KSR2: variants seen among roughly 807,000 people sequenced by gnomAD.
KSR2 encodes the protein kinase suppressor of ras 2.
A neutral mutation model predicts 107.8 loss-of-function variants in KSR2; 25 were observed. The ratio of observed to expected loss-of-function variants is 0.23; its 90% CI spans 0.17 to 0.32. The LOEUF (loss-of-function observed/expected upper bound fraction) is 0.32, where lower values mean the gene tolerates loss of function less well. Ranked by LOEUF, KSR2 falls within the 10% of genes least tolerant of loss-of-function variation. The probability of loss-of-function intolerance (pLI) is 1.00; values close to 1 mark genes in which losing one functional copy is unlikely to be tolerated. For synonymous variants in KSR2, 480 were observed against 507.0 expected, an observed-to-expected ratio of 0.95 and a Z score of 0.71; for missense variants, 887 against 1,268.9, an observed-to-expected ratio of 0.70 and a Z score of 4.57.
At chr12:117,569,802 T>G (rs1008826339) in intron 7 of KSR2, among the ~76,000 whole-genome samples, 6 of 152,196 alleles carry the variant, frequency 3.9e-5, no homozygotes, top group Non-Finnish European at 8.8e-5. Context: ...CACCCTGTAG[T>G]TCACCCTATA....
chr12:117,875,333 A>ATTTT (rs56091034), intron 1 of KSR2, among the ~76,000 whole-genome samples: 3,053 of 137,968 alleles, frequency 0.022, 98 homozygotes, highest in East Asian at 0.17. Flanking sequence ...CTTAGGTGCT[A>ATTTT]TTTTTTTTTT....
chr12:117,492,911 C>T (rs1314926784), intron 14 of KSR2, among the ~76,000 whole-genome samples: 1 of 152,096 alleles, frequency 6.6e-6, no homozygotes, highest in Non-Finnish European at 1.5e-5. Flanking sequence ...TGGAAAAAGG[C>T]AAGAAAATGG....
rs569446673 is a variant in KSR2, at chr12:117,921,741, G to A, written c.180+46335C>T. Among the ~76,000 whole-genome samples, 199 of 152,178 alleles carry A rather than the reference G, an allele frequency of 1.3e-3. 1 individual carries two copies. The highest frequency in any genetic ancestry group is 4.6e-3 in the African/African-American group (190 of 41,510). On this transcript the variant is annotated intron_variant, in intron 1 of 19. Coordinates refer to ENST00000339824, the MANE Select transcript of KSR2 (RefSeq NM_173598.6). ...GTGCCATGCTCAGCACATAATACACGCTCATTAAATGACAGCCATCATTAC... is the reference window on the plus strand; with the variant it reads ...GTGCCATGCTCAGCACATAATACACACTCATTAAATGACAGCCATCATTAC...
In KSR2 at chr12:117,542,079, G is replaced by T. The variant is rs905355359; in HGVS notation, c.1519-2192C>A. Among the ~76,000 whole-genome samples, 2 of 151,902 alleles carry T rather than the reference G, an allele frequency of 1.3e-5. 1 individual carries two copies. Among genetic ancestry groups the T allele is most frequent in the East Asian group, 3.9e-4 (2 of 5,162 alleles). On this transcript the variant is annotated intron_variant, in intron 9 of 19. Transcript: ENST00000339824. Reference sequence around the variant, plus strand: ...AAACACTTTTTTTGGTAGACACAGGGTCCCACTATGTTGCCCAGGCTGGTT... The same window carrying T: ...AAACACTTTTTTTGGTAGACACAGGTTCCCACTATGTTGCCCAGGCTGGTT...
At chr12:117,683,892 T>C (rs1282928841) in intron 4 of KSR2, among the ~76,000 whole-genome samples, 1 of 152,260 alleles carries the variant, frequency 6.6e-6, no homozygotes, top group Non-Finnish European at 1.5e-5. Context: ...TCTGACTTTG[T>C]AGCAGAAACT....
chr12:117,892,017 G>A (rs189370823), intron 1 of KSR2, among the ~76,000 whole-genome samples: 2 of 92,674 alleles, frequency 2.2e-5, no homozygotes, highest in East Asian at 1.2e-3. Flanking sequence ...ACCACATAAC[G>A]GCCCAGTGCG....
chr12:117,866,216 A>G (rs1893465692), intron 1 of KSR2, among the ~76,000 whole-genome samples: 1 of 151,512 alleles, frequency 6.6e-6, no homozygotes, highest in South Asian at 2.1e-4. Flanking sequence ...CCACCACACC[A>G]CGCCTTTTTT....
intron 1 of KSR2, among the ~76,000 whole-genome samples, chr12:117,936,530 T>TAGTAGTAGTAGTAG (rs1566089629): frequency 1.6e-3 from 183 of 115,306 alleles, no homozygotes; most frequent in Non-Finnish European, 1.5e-3. Flanking sequence ...ATTATTATTA[T>TAGTAGTAGTAGTAG]TATTAGTAGT....
chr12:117,537,348 C>A (rs1228012160), intron 10 of KSR2, among the ~76,000 whole-genome samples: 2 of 152,194 alleles, frequency 1.3e-5, no homozygotes, highest in Non-Finnish European at 2.9e-5. Flanking sequence ...TCTAGGTCCT[C>A]ATATTAATTA....
At chr12:117,710,963 G>A (rs184022728) in intron 4 of KSR2, among the ~76,000 whole-genome samples, 107 of 152,226 alleles carry the variant, frequency 7.0e-4, no homozygotes, top group African/African-American at 2.5e-3. Flanking sequence ...CTTGGCTCAT[G>A]TCTACAATCC....
chr12:117,845,078 G>A (rs897831637), intron 3 of KSR2, among the ~76,000 whole-genome samples: 4 of 152,110 alleles, frequency 2.6e-5, no homozygotes, highest in South Asian at 2.1e-4. Flanking sequence ...CCCGGGAGGC[G>A]GAGCGTGCAT....
intron 4 of KSR2, among the ~76,000 whole-genome samples, chr12:117,692,878 G>T (rs1271355700): frequency 6.6e-6 from 1 of 152,170 alleles, no homozygotes; most frequent in Non-Finnish European, 1.5e-5. Flanking sequence ...ACTGGCAGTT[G>T]CCATGGGGAT....
intron 1 of KSR2, among the ~76,000 whole-genome samples, chr12:117,919,350 A>G (rs1422795713): frequency 6.6e-6 from 1 of 152,166 alleles, no homozygotes; most frequent in Non-Finnish European, 1.5e-5. Flanking sequence ...GGACTTCCGC[A>G]TCTTTCTGTA....
intron 4 of KSR2, among the ~76,000 whole-genome samples, chr12:117,689,463 T>C (rs1885724665): frequency 6.6e-6 from 1 of 152,258 alleles, no homozygotes; most frequent in South Asian, 2.1e-4. Flanking sequence ...TTGCAGGCCA[T>C]GCAGTCTCCA....
chr12:117,594,832 C>T (rs10850849), intron 5 of KSR2, among the ~76,000 whole-genome samples: 21,331 of 152,132 alleles, frequency 0.14, 3,924 homozygotes, highest in African/African-American at 0.42. Flanking sequence ...AGACATTTTT[C>T]GTTGTCACAA....
intron 18 of KSR2, 101 bp from the exon 19 acceptor site, chr12:117,469,896 A>C (rs1246278719): frequency 8.0e-6 from 9 of 1,131,410 alleles, no homozygotes; most frequent in Non-Finnish European, 1.2e-5. Context: ...CATCTGCCCC[A>C]TTTCCATATT....
chr12:117,491,802 G>A (rs1306818010), intron 14 of KSR2, among the ~76,000 whole-genome samples: 1 of 152,136 alleles, frequency 6.6e-6, no homozygotes, highest in Non-Finnish European at 1.5e-5. Flanking sequence ...GGATCTGGAG[G>A]CTATGTTCTT....
At chr12:117,892,226 C>T (rs868411616) in intron 1 of KSR2, among the ~76,000 whole-genome samples, 5 of 152,126 alleles carry the variant, frequency 3.3e-5, no homozygotes, top group Non-Finnish European at 7.3e-5. Flanking sequence ...ATCACTTGAA[C>T]CCGGGAGGCA....
intron 5 of KSR2, among the ~76,000 whole-genome samples, chr12:117,623,175 C>T (rs1517204): frequency 0.9 from 136,586 of 152,328 alleles, 61,400 homozygotes; most frequent in East Asian, 0.99. Flanking sequence ...AGGTGAATAC[C>T]AGTTAAATTC....
Sources: allele counts gnomAD v4.1 joint callset (sites outside exome capture counted in the v4.1 genomes callset), GRCh38; gene constraint gnomAD v4.1.1; transcripts MANE v1.5; gene names NCBI Gene and HGNC (gene_info 2026-07-23, HGNC 2026-07-21).